The following PPL variants were observed in gnomAD, a reference collection of about 807,000 sequenced individuals.
The protein encoded by PPL is 190 kDa paraneoplastic pemphigus antigen.
Under a neutral mutation model 194.4 loss-of-function variants are expected in PPL, and 198 were observed. That is an observed-to-expected ratio of 1.02 (90% CI 0.91 to 1.15). The LOEUF is 1.15. PPL is among the 50% of genes most tolerant of loss of function. PPL has a pLI of 0.00. For synonymous variants in PPL, 1,220 were observed against 972.4 expected (o/e 1.25, Z -4.74); for missense variants, 2,885 against 2,294.8 (o/e 1.26, Z -5.25).
At chr16:4,894,432 C>A (rs754490231) in intron 12 of PPL, 35 bp downstream of exon 12, 16 of 1,609,504 alleles carry the variant, frequency 9.9e-6, no homozygotes, top group African/African-American at 1.3e-5. Flanking sequence ...GGGGGTGGGA[C>A]TGGTCCATGC....
At chr16:4,929,534 G>A (rs2089201811) in intron 1 of PPL, among the ~76,000 whole-genome samples, 1 of 152,176 alleles carries the variant, frequency 6.6e-6, no homozygotes, top group African/African-American at 2.4e-5. Context: ...AGCCACGCAT[G>A]TCCCCACCAC....
chr16:4,902,604 C>T lies in PPL; in HGVS notation c.318-78G>A. 5 of 1,533,926 alleles carry T rather than the reference C, an allele frequency of 3.3e-6. No homozygotes were observed. The highest frequency in any genetic ancestry group is 4.4e-6 in the Non-Finnish European group (5 of 1,131,702). On this transcript the variant is annotated intron_variant, in intron 3 of 21. Coordinates refer to ENST00000345988, the MANE Select transcript of PPL (RefSeq NM_002705.5). The surrounding 1 kb of genome is among the most constrained non-coding windows in gnomAD (Gnocchi z 4.0). Reference sequence around the variant, plus strand: ...CCAGGAGGGGCCCCCCACCCAGACCCCGGCCTCAGTGTCCTGGAAGGACAC... The same window carrying T: ...CCAGGAGGGGCCCCCCACCCAGACCTCGGCCTCAGTGTCCTGGAAGGACAC...
At chr16:4,903,762 G>A (rs893890343) in intron 3 of PPL, 124 bp downstream of exon 3, 19 of 1,118,864 alleles carry the variant, frequency 1.7e-5, no homozygotes, top group Middle Eastern at 4.6e-4. Context: ...CCTTTGGCAC[G>A]TGCCTGGCAC....
intron 1 of PPL, among the ~76,000 whole-genome samples, chr16:4,928,045 C>T (rs78320276): frequency 1.3e-5 from 2 of 152,310 alleles, no homozygotes; most frequent in East Asian, 3.9e-4. Context: ...GCTTTGAATT[C>T]CTAGACTCGG....
intron 2 of PPL, among the ~76,000 whole-genome samples, chr16:4,904,267 T>A (rs1189746958): frequency 6.6e-6 from 1 of 152,206 alleles, no homozygotes; most frequent in African/African-American, 2.4e-5. Context: ...TTATGCCCCC[T>A]CCAGCCTGTC....
rs754374500 is a variant in PPL at position 4,883,887 on chromosome 16, C to T, written c.4768G>A (p.Ala1590Thr). 43 of 1,613,882 alleles carry T rather than the reference C, an allele frequency of 2.7e-5. No homozygotes were observed. Among genetic ancestry groups the T allele is most frequent in the Non-Finnish European group, 3.6e-5 (42 of 1,180,042 alleles). ...RRLQSEINMA[A>T]TETRDLRNMT... ...TTCCGCAGGTCTCGTGTTTCCGTCG[C>T]TGCCATGTTGATTTCCGATTGGAGC... Residue 1590 changes from alanine to threonine, a missense_variant, in exon 22 of 22, where the codon GCG (alanine) becomes ACG (threonine). Transcript: ENST00000345988. This position sits in a 1 kb window ranked among gnomAD's most constrained non-coding sequence, Gnocchi z 4.8.
At chr16:4,934,047 C>A (rs1312269937) in intron 1 of PPL, among the ~76,000 whole-genome samples, 1 of 152,236 alleles carries the variant, frequency 6.6e-6, no homozygotes, top group East Asian at 1.9e-4. Context: ...CTCAGAGAAG[C>A]CAAGCAGCTC....
chr16:4,891,353 G>A (rs2088316106), intron 16 of PPL: 1 of 175,046 alleles, frequency 5.7e-6, no homozygotes, highest in African/African-American at 2.4e-5. Context: ...TCTGCCCACT[G>A]ACTTGCCCTC....
Position 4,890,725 on chromosome 16 carries a change from C to G in PPL, c.2162+3G>C. 6.2e-7 allele frequency: 1 copy of G among 1,603,354 alleles called. No homozygotes were observed. The highest frequency in any genetic ancestry group is 2.2e-5 in the East Asian group (1 of 44,648). On this transcript the variant is annotated splice_donor_region_variant and intron_variant, in intron 17 of 21. Transcript: ENST00000345988. ...AAATGGCCACCACCCACCGCACCCT[C>G]ACCTGCGTTCCACCTGCTGGCGCAG...
chr16:4,894,401 G>T, intron 12 of PPL, 66 bp downstream of exon 12: 1 of 1,575,558 alleles, frequency 6.3e-7, no homozygotes, highest in Non-Finnish European at 8.6e-7. Flanking sequence ...CCGGGGCTAT[G>T]AATGGGGCCT....
chr16:4,901,155 C>A, intron 4 of PPL, 66 bp from the exon 5 acceptor site: 1 of 1,568,238 alleles, frequency 6.4e-7, no homozygotes, highest in Non-Finnish European at 8.7e-7. Context: ...TGTGGCCACC[C>A]CAGGAGCCTC....
rs569640577 is a variant in PPL at position 4,902,983 on chromosome 16, C to T, written c.318-457G>A. Among the ~76,000 whole-genome samples the T allele has an allele frequency of 5.9e-5, 9 of 152,324 alleles. 1 individual carries two copies. The South Asian group carries it at 1.9e-3, about 32-fold the overall frequency. ...GGATCACAGGCGTGAGCCACCGTGC[C>T]TGGCCCCACCCACTTTCCCTCAACC... On this transcript the variant is annotated intron_variant, in intron 3 of 21. Coordinates refer to ENST00000345988, the MANE Select transcript of PPL (RefSeq NM_002705.5). This position sits in a 1 kb window ranked among gnomAD's most constrained non-coding sequence, Gnocchi z 4.0.
intron 1 of PPL, among the ~76,000 whole-genome samples, chr16:4,923,713 A>G (rs1175875883): frequency 6.6e-6 from 1 of 152,132 alleles, no homozygotes; most frequent in Admixed American, 6.5e-5. Flanking sequence ...TCTGTGCCTC[A>G]GTTTCCTCAT....
chr16:4,932,463 G>A (rs543546474), intron 1 of PPL, among the ~76,000 whole-genome samples: 2 of 151,444 alleles, frequency 1.3e-5, no homozygotes, highest in African/African-American at 2.4e-5. Context: ...AGGCTGGAGT[G>A]CAGTGGTGTG....
At chr16:4,891,544 GC>G in intron 16 of PPL, 1 of 382,826 alleles carries the variant, frequency 2.6e-6, no homozygotes, top group East Asian at 4.1e-5. Flanking sequence ...CTCCTGAATG[GC>G]TGGTGTTACA....
At chr16:4,908,795 C>T (rs890919945) in intron 2 of PPL, among the ~76,000 whole-genome samples, 3 of 152,206 alleles carry the variant, frequency 2.0e-5, no homozygotes, top group Non-Finnish European at 4.4e-5. Flanking sequence ...CCTGCCTAGG[C>T]CTCCCAAAGT....
intron 8 of PPL, 38 bp from the exon 9 acceptor site, chr16:4,897,808 G>C: frequency 6.4e-7 from 1 of 1,551,708 alleles, no homozygotes; most frequent in Non-Finnish European, 8.9e-7. Context: ...CACTGGGCAG[G>C]TACTGCAGAC....
chr16:4,926,149 T>C (rs2089150574), intron 1 of PPL, among the ~76,000 whole-genome samples: 1 of 152,206 alleles, frequency 6.6e-6, no homozygotes, highest in African/African-American at 2.4e-5. Context: ...TAACAACTAG[T>C]TGAGGTACGT....
intron 18 of PPL, 105 bp downstream of exon 18, chr16:4,890,079 G>A: frequency 6.5e-7 from 1 of 1,540,800 alleles, no homozygotes. Context: ...GCAGGCCTCT[G>A]CCCTGCTCCA....
Sources: allele counts gnomAD v4.1 joint callset (sites outside exome capture counted in the v4.1 genomes callset), GRCh38; gene constraint gnomAD v4.1.1; non-coding constraint Gnocchi (gnomAD v3.1); transcripts MANE v1.5; gene names NCBI Gene and HGNC (gene_info 2026-07-23, HGNC 2026-07-21).